Variants in DMD observed in about 807,000 individuals in gnomAD.
The protein encoded by DMD is dystrophin.
A neutral mutation model predicts 330.1 loss-of-function variants in DMD; 63 were observed. The ratio of observed to expected loss-of-function variants is 0.19; its 90% CI spans 0.16 to 0.24. The LOEUF (loss-of-function observed/expected upper bound fraction) is 0.24. Among genes scored for constraint, DMD ranks in the 10% least tolerant of loss-of-function variants. DMD has a pLI of 1.00. For synonymous variants in DMD, 1,223 were observed against 959.8 expected (o/e 1.27, Z -5.07); for missense variants, 3,344 against 2,684.1 (o/e 1.25, Z -5.43).
intron 7 of DMD, among the ~76,000 whole-genome samples, chrX:32,766,943 G>T (rs1456285107): frequency 6.3e-5 from 7 of 111,205 alleles, no homozygotes; most frequent in African/African-American, 9.8e-5. Context: ...TTCTCTTAAA[G>T]TCTTTAATGC....
In DMD at chrX:32,806,201, AAGACACAC is replaced by A. The variant is rs746971618; in HGVS notation, c.649+3284_649+3291del. ...AGTCAGGAGAGCAATCTCACGTGCA[AAGACACAC>A]ATAGGCTCAAAATAAAAGGATAGAG... On this transcript the variant is annotated intron_variant, in intron 7 of 78. Coordinates refer to ENST00000357033, the MANE Select transcript of DMD (RefSeq NM_004006.3). Among the ~76,000 whole-genome samples, 29 of 112,226 alleles carry A rather than the reference AAGACACAC, an allele frequency of 2.6e-4. No homozygotes were observed. The East Asian group carries it at 8.1e-3, about 32-fold the overall frequency.
chrX:32,301,311 T>C (rs923000673), intron 42 of DMD, among the ~76,000 whole-genome samples: 1 of 110,085 alleles, frequency 9.1e-6, no homozygotes, highest in African/African-American at 3.3e-5. Flanking sequence ...TTTACCTTTT[T>C]GGAAGCTCCA....
At chrX:32,734,765 C>G (rs950167382) in intron 7 of DMD, among the ~76,000 whole-genome samples, 2 of 108,565 alleles carry the variant, frequency 1.8e-5, no homozygotes, top group South Asian at 4.0e-4. Flanking sequence ...GGACATATTT[C>G]AAAATAATAA....
chrX:32,743,338 C>G (rs1177261181), intron 7 of DMD, among the ~76,000 whole-genome samples: 3 of 111,808 alleles, frequency 2.7e-5, no homozygotes, highest in Non-Finnish European at 5.6e-5. Flanking sequence ...CATTGACTTT[C>G]CTTCCTTCTT....
intron 11 of DMD, among the ~76,000 whole-genome samples, chrX:32,627,733 A>G (rs1477406508): frequency 9.0e-6 from 1 of 111,044 alleles, no homozygotes; most frequent in African/African-American, 3.3e-5. Flanking sequence ...TATAAATATT[A>G]AAAAAATAGA....
At chrX:32,296,054 G>C (rs1027288179) in intron 42 of DMD, among the ~76,000 whole-genome samples, 1 of 112,198 alleles carries the variant, frequency 8.9e-6, no homozygotes, top group Non-Finnish European at 1.9e-5. Context: ...CTATAGCAAA[G>C]CTCGTTGCTT....
At chrX:32,045,772 G>A (rs2096060317) in intron 44 of DMD, among the ~76,000 whole-genome samples, 1 of 111,999 alleles carries the variant, frequency 8.9e-6, no homozygotes, top group Non-Finnish European at 1.9e-5. Flanking sequence ...ATAAGACTAA[G>A]CATAAGAAAA....
At chrX:32,479,494 C>CT (rs771017512) in intron 21 of DMD, among the ~76,000 whole-genome samples, 1 of 109,544 alleles carries the variant, frequency 9.1e-6, no homozygotes, top group Non-Finnish European at 1.9e-5. Context: ...TATAATTTGA[C>CT]TTTTTTTTGG....
intron 7 of DMD, among the ~76,000 whole-genome samples, chrX:32,760,368 G>A (rs946857557): frequency 1.3e-4 from 15 of 111,870 alleles, no homozygotes; most frequent in South Asian, 7.5e-4. Context: ...TAGGCAGAAA[G>A]CCTTCTCTAT....
chrX:32,465,596 T>C (rs927543838), intron 23 of DMD, among the ~76,000 whole-genome samples: 1 of 97,330 alleles, frequency 1.0e-5, no homozygotes, highest in Non-Finnish European at 2.1e-5. Context: ...TTTTTTTTTT[T>C]TTTTTTTGAG....
chrX:31,369,696 T>C (rs1175046648), intron 60 of DMD, among the ~76,000 whole-genome samples: 1 of 110,470 alleles, frequency 9.1e-6, no homozygotes, highest in Non-Finnish European at 1.9e-5. Flanking sequence ...ACAAGAAACA[T>C]AGAAGGTGGC....
chrX:32,077,669 T>C (rs1054829620), intron 44 of DMD, among the ~76,000 whole-genome samples: 2 of 111,455 alleles, frequency 1.8e-5, no homozygotes, highest in Non-Finnish European at 3.8e-5. Flanking sequence ...CTATAATCTT[T>C]GTATCTATTT....
chrX:32,292,299 A>ATTATTTTTTTTTTTTTTT (rs1355530949), intron 42 of DMD, among the ~76,000 whole-genome samples: 1 of 30,867 alleles, frequency 3.2e-5, no homozygotes, highest in African/African-American at 1.9e-4. Flanking sequence ...CAAAGGGAAT[A>ATTATTTTTTTTTTTTTTT]TTCTTTTTTT....
intron 62 of DMD, among the ~76,000 whole-genome samples, chrX:31,315,053 A>T (rs2055895735): frequency 8.9e-6 from 1 of 112,040 alleles, no homozygotes; most frequent in South Asian, 3.8e-4. Context: ...TTGTGAAGGG[A>T]ACAGGATGCT....
chrX:32,074,263 T>C (rs6631478), intron 44 of DMD, among the ~76,000 whole-genome samples: 28,658 of 110,675 alleles, frequency 0.26, 3,839 homozygotes, highest in African/African-American at 0.5. Context: ...CTTTTAAATT[T>C]CCCCGAACCC....
At position 32,333,587 on chromosome X, in the gene DMD, A is replaced by G. The variant is rs146913282; in HGVS notation, c.5922+8513T>C. On this transcript the variant is annotated intron_variant, in intron 41 of 78. Coordinates refer to ENST00000357033, the MANE Select transcript of DMD (RefSeq NM_004006.3). Reference sequence around the variant, plus strand: ...ATACTTATATTTCTTTTTTTTAATAATCTTTTCTGCTTCAGATTTGCTCAG... The same window carrying G: ...ATACTTATATTTCTTTTTTTTAATAGTCTTTTCTGCTTCAGATTTGCTCAG... Among the ~76,000 whole-genome samples, 367 of 110,974 alleles carry G rather than the reference A, an allele frequency of 3.3e-3. 13 individuals are homozygous for G. In the East Asian group the frequency reaches 0.089, roughly 27 times the overall value.
intron 1 of DMD, among the ~76,000 whole-genome samples, chrX:33,209,505 T>C (rs2051769747): frequency 8.9e-6 from 1 of 111,996 alleles, no homozygotes; most frequent in South Asian, 3.6e-4. Flanking sequence ...GTGATCTCTT[T>C]TAAAGGGTAA....
At chrX:32,936,392 G>A (rs1345748831) in intron 2 of DMD, among the ~76,000 whole-genome samples, 8 of 111,848 alleles carry the variant, frequency 7.2e-5, no homozygotes, top group African/African-American at 9.8e-5. Flanking sequence ...ATTTACAGGC[G>A]TGAGCCACCG....
intron 60 of DMD, among the ~76,000 whole-genome samples, chrX:31,359,131 C>G (rs1218026036): frequency 8.9e-6 from 1 of 111,829 alleles, no homozygotes; most frequent in African/African-American, 3.2e-5. Context: ...AATAAGAAAA[C>G]AAGGGGATGG....
Sources: gnomAD v4.1 joint callset for allele counts (sites outside exome capture counted in the v4.1 genomes callset) on GRCh38, gnomAD v4.1.1 for gene constraint, MANE v1.5 for transcripts, NCBI Gene and HGNC (gene_info 2026-07-23, HGNC 2026-07-21) for gene names.